Variants in CBY3 observed in about 807,000 individuals in gnomAD.
CBY3 encodes the protein sperm annulus positioning complex subunit Chibby3.
In CBY3, 7 loss-of-function variants were observed where a neutral mutation model predicts 3.0. The observed-to-expected ratio is 2.32, with a 90% CI of 1.32 to 4.35. CBY3 has a LOEUF of 4.35. Among genes scored for constraint, CBY3 ranks in the 30% most tolerant of loss-of-function variants. CBY3 has a pLI of 0.00. For synonymous variants in CBY3, 170 were observed against 154.5 expected (o/e 1.10, Z -0.74); for missense variants, 400 against 336.4 (o/e 1.19, Z -1.48).
chr5:179,678,568 G>A lies in CBY3; in HGVS notation c.*15C>T. 6.8e-7 allele frequency: 1 copy of A among 1,475,940 alleles called. No individual in the cohort carries two copies. The highest frequency in any genetic ancestry group is 9.0e-7 in the Non-Finnish European group (1 of 1,114,532). 91.4% of individuals were successfully genotyped at this position (1,475,940 alleles called of 1,614,324 possible). A position where few individuals can be genotyped will look rare whatever the true frequency, so the allele number is the denominator to read the frequency against. On this transcript the variant is annotated 3_prime_UTR_variant, in exon 2 of 2. Transcript: ENST00000376974. ...GAGGCGTGAGGCGCGCATGCGTAGC[G>A]CGGCCTTTATTGCGTCACTGCGAGT...
Position 179,678,579 on chromosome 5 carries a change from T to A in CBY3, c.*4A>T. On this transcript the variant is annotated 3_prime_UTR_variant, in exon 2 of 2. Coordinates refer to ENST00000376974, the MANE Select transcript of CBY3 (RefSeq NM_001164444.2). ...CGCGCATGCGTAGCGCGGCCTTTATTGCGTCACTGCGAGTCCAGAGCGCAC... is the reference window on the plus strand; with the variant it reads ...CGCGCATGCGTAGCGCGGCCTTTATAGCGTCACTGCGAGTCCAGAGCGCAC... 1 of 1,491,430 alleles carries A rather than the reference T, an allele frequency of 6.7e-7. No individual in the cohort carries two copies. Among genetic ancestry groups the A allele is most frequent in the East Asian group, 2.5e-5 (1 of 40,060 alleles). 92.4% of individuals were successfully genotyped at this position (1,491,430 alleles called of 1,614,324 possible).
At position 179,679,266 on chromosome 5, in the gene CBY3, C is replaced by G. The variant is rs956052889; in HGVS notation, c.47-1G>C. 30 of 1,520,230 alleles carry G rather than the reference C, an allele frequency of 2.0e-5. 1 individual carries two copies. The highest frequency in any genetic ancestry group is 2.5e-5 in the Non-Finnish European group (28 of 1,138,796). The allele number at this position is 1,520,230 out of a possible 1,614,324, so 94.2% of individuals were successfully genotyped here. A position where few individuals can be genotyped will look rare whatever the true frequency, so the allele number is the denominator to read the frequency against. On this transcript the variant is annotated splice_acceptor_variant, in intron 1 of 1. Coordinates refer to ENST00000376974, the MANE Select transcript of CBY3 (RefSeq NM_001164444.2). LOFTEE classifies it high-confidence loss of function. ...GATGAAGGCGAGCCAGGGGGCGCTGCTGGGAGACAAGAGTCCGGGTGAGCA... is the reference window on the plus strand; with the variant it reads ...GATGAAGGCGAGCCAGGGGGCGCTGGTGGGAGACAAGAGTCCGGGTGAGCA...
chr5:179,678,789 C>T lies in CBY3; in HGVS notation c.523G>A (p.Glu175Lys). Residue 175 changes from glutamate (E) to lysine (K), a missense_variant, in exon 2 of 2, where the codon GAG becomes AAG. Transcript: ENST00000376974. ...TGCTGCAGCTTCAGGTAGTTGTTCT[C>T]CTCCAGCAACACTTGGCTTTTGGAC... ...QRSKSQVLLE[E>K]NNYLKLQQEL... 2 of 1,537,068 alleles carry T rather than the reference C, an allele frequency of 1.3e-6. No homozygotes were observed. Among genetic ancestry groups the T allele is most frequent in the Non-Finnish European group, 1.7e-6 (2 of 1,146,766 alleles).
At chr5:179,680,595 A>C (rs1200127902) in intron 1 of CBY3, among the ~76,000 whole-genome samples, 1 of 152,080 alleles carries the variant, frequency 6.6e-6, no homozygotes, top group Non-Finnish European at 1.5e-5. Context: ...ACTAAACATG[A>C]CTTTTATTCC....
chr5:179,680,552 TG>T (rs752933503), intron 1 of CBY3, among the ~76,000 whole-genome samples: 21 of 152,246 alleles, frequency 1.4e-4, no homozygotes, highest in Non-Finnish European at 2.6e-4. Context: ...GCTAGACCTA[TG>T]CATAGGGCTC....
At position 179,678,617 on chromosome 5, in the gene CBY3, A is replaced by C; in HGVS notation, c.695T>G (p.Leu232Arg). 1 of 1,531,290 alleles carries C rather than the reference A, an allele frequency of 6.5e-7. No individual in the cohort carries two copies. The highest frequency in any genetic ancestry group is 8.7e-7 in the Non-Finnish European group (1 of 1,143,196). 94.9% of individuals were successfully genotyped at this position (1,531,290 alleles called of 1,614,324 possible). ...RKRAGASAGV[L>R]MIQPCALDSQ Reference sequence around the variant, plus strand: ...GTCCAGAGCGCACGGCTGGATCATGAGCACGCCCGCGCTGGCGCCTGCGCG... The same window carrying C: ...GTCCAGAGCGCACGGCTGGATCATGCGCACGCCCGCGCTGGCGCCTGCGCG... The change falls in exon 2 of 2, where the codon CTC becomes CGC. Residue 232 changes from leucine to arginine, a missense_variant. Leu to Arg is a moderately radical substitution (Grantham distance 102). Transcript: ENST00000376974.
intron 1 of CBY3, among the ~76,000 whole-genome samples, 180 bp from the exon 2 acceptor site, chr5:179,679,445 C>G (rs1373313659): frequency 1.3e-5 from 2 of 152,190 alleles, no homozygotes; most frequent in African/African-American, 4.8e-5. Context: ...AAACCATCTT[C>G]CCCAAAGACC....
chr5:179,679,321 C>T (rs548454039), intron 1 of CBY3, 56 bp from the exon 2 acceptor site: 2 of 1,380,960 alleles, frequency 1.4e-6, no homozygotes, highest in South Asian at 1.4e-5. Context: ...CCTCTCAAAC[C>T]GCGAGGCCGG....
In CBY3 at chr5:179,678,650, A is replaced by T. The variant is rs1229573678; in HGVS notation, c.662T>A (p.Met221Lys). ...TAAARAGQRK[M>K]RKRAGASAGV... Reference sequence around the variant, plus strand: ...CGCGCTGGCGCCTGCGCGCTTGCGCATCTTCCTCTGCCCGGCGCGCGCCGC... The same window carrying T: ...CGCGCTGGCGCCTGCGCGCTTGCGCTTCTTCCTCTGCCCGGCGCGCGCCGC... The change falls in exon 2 of 2, where the codon ATG (methionine) becomes AAG (lysine). Residue 221 changes from methionine (M) to lysine (K), a missense_variant. By Grantham distance (95) the Met-to-Lys change is moderately conservative (BLOSUM62 -1). Transcript: ENST00000376974. 6.5e-7 allele frequency: 1 copy of T among 1,534,310 alleles called. No homozygotes were observed. The highest frequency in any genetic ancestry group is 2.5e-5 in the East Asian group (1 of 40,782).
chr5:179,678,826 C>T lies in CBY3; in HGVS notation c.486G>A (p.Ala162=), dbSNP rs1361472768. The change falls in exon 2 of 2, where the codon GCG becomes GCA. Residue 162 remains alanine, a synonymous_variant. Transcript: ENST00000376974. ...CTTGGCTTTTGGACCGCTGCACCTG[C>T]GCCTTCCAGCCCCAGGCGGTCCGCG... ...LLSRTAWGWK[A]QVQRSKSQVL... 2 of 1,537,020 alleles carry T rather than the reference C, an allele frequency of 1.3e-6. No homozygotes were observed. Among genetic ancestry groups the T allele is most frequent in the Admixed American group, 2.0e-5 (1 of 50,992 alleles).
At chr5:179,679,299 T>C (rs1562425243) in intron 1 of CBY3, 34 bp from the exon 2 acceptor site, 1 of 1,484,592 alleles carries the variant, frequency 6.7e-7, no homozygotes, top group Non-Finnish European at 8.9e-7. Context: ...GCAGCGTGCT[T>C]GGTACAGGCC....
Position 179,678,659 on chromosome 5 carries a change from T to C in CBY3, c.653A>G (p.Gln218Arg), listed in dbSNP as rs1266342143. 1.0e-5 allele frequency: 16 copies of C among 1,535,148 alleles called. No homozygotes were observed. Among genetic ancestry groups the C allele is most frequent in the Non-Finnish European group, 1.4e-5 (16 of 1,145,762 alleles). ...VIPTAAARAG[Q>R]RKMRKRAGAS... ...GCCTGCGCGCTTGCGCATCTTCCTC[T>C]GCCCGGCGCGCGCCGCAGCCGTCGG... The change falls in exon 2 of 2, where the codon CAG becomes CGG. Residue 218 changes from glutamine (Q) to arginine (R), a missense_variant. Transcript: ENST00000376974.
rs530037246 is a variant in CBY3 at position 179,679,068 on chromosome 5, C to T, written c.244G>A (p.Asp82Asn). ...LWQTLQQFWA[D>N]HISRPFSPRR... ...GGCGAGAAGGGCCGCGAGATGTGAT[C>T]GGCCCAAAACTGCTGCAGCGTCTGC... The change falls in exon 2 of 2, where the codon GAT becomes AAT. Residue 82 changes from aspartate to asparagine, a missense_variant. Coordinates refer to ENST00000376974, the MANE Select transcript of CBY3 (RefSeq NM_001164444.2). The T allele has an allele frequency of 7.2e-6, 11 of 1,534,478 alleles. No individual in the cohort carries two copies. The highest frequency in any genetic ancestry group is 2.7e-5 in the African/African-American group (2 of 73,034).
intron 1 of CBY3, among the ~76,000 whole-genome samples, chr5:179,679,885 C>G (rs1776011565): frequency 6.6e-6 from 1 of 151,144 alleles, no homozygotes; most frequent in Non-Finnish European, 1.5e-5. Flanking sequence ...TCTCGAACTC[C>G]TGACCTCAGG....
Position 179,678,633 on chromosome 5 carries a change from C to G in CBY3, c.679G>C (p.Ala227Pro). The G allele has an allele frequency of 6.5e-7, 1 of 1,533,106 alleles. No homozygotes were observed. The highest frequency in any genetic ancestry group is 8.7e-7 in the Non-Finnish European group (1 of 1,144,310). The allele number at this position is 1,533,106 out of a possible 1,614,324, so 95.0% of individuals were successfully genotyped here. A position where few individuals can be genotyped will look rare whatever the true frequency, so the allele number is the denominator to read the frequency against. ...GQRKMRKRAGASAGVLMIQPC... is the reference protein window; with the variant it reads ...GQRKMRKRAGPSAGVLMIQPC... ...TGGATCATGAGCACGCCCGCGCTGG[C>G]GCCTGCGCGCTTGCGCATCTTCCTC... The change falls in exon 2 of 2, where the codon GCC becomes CCC. Residue 227 changes from alanine to proline, a missense_variant. Ala to Pro is a conservative substitution (Grantham distance 27). Coordinates refer to ENST00000376974, the MANE Select transcript of CBY3 (RefSeq NM_001164444.2).
Position 179,680,981 on chromosome 5 carries a change from G to A in CBY3, c.-63C>T. 7.1e-7 allele frequency: 1 copy of A among 1,413,686 alleles called. No homozygotes were observed. Among genetic ancestry groups the A allele is most frequent in the Non-Finnish European group, 9.6e-7 (1 of 1,036,722 alleles). The allele number at this position is 1,413,686 out of a possible 1,614,324, so 87.6% of individuals were successfully genotyped here. A position where few individuals can be genotyped will look rare whatever the true frequency, so the allele number is the denominator to read the frequency against. On this transcript the variant is annotated 5_prime_UTR_variant, in exon 1 of 2. Coordinates refer to ENST00000376974, the MANE Select transcript of CBY3 (RefSeq NM_001164444.2). ...GTTTCCCCGTTAGTCCTCACTGTAT[G>A]TTGTGCCTCACCTGGAAGATGGGGT...
chr5:179,679,142 G>T lies in CBY3; in HGVS notation c.170C>A (p.Ala57Asp), dbSNP rs1037806894. ...SSTCVPYKVH[A>D]LATFECSATS... ...AGCCGAGCACTCGAAGGTTGCCAGGGCGTGGACCTTGTAGGGCACGCAGGT... is the reference window on the plus strand; with the variant it reads ...AGCCGAGCACTCGAAGGTTGCCAGGTCGTGGACCTTGTAGGGCACGCAGGT... Residue 57 changes from alanine (A) to aspartate (D), a missense_variant, in exon 2 of 2, where the codon GCC (alanine) becomes GAC (aspartate). Coordinates refer to ENST00000376974, the MANE Select transcript of CBY3 (RefSeq NM_001164444.2). 12 of 1,535,554 alleles carry T rather than the reference G, an allele frequency of 7.8e-6. No individual in the cohort carries two copies. The highest frequency in any genetic ancestry group is 2.0e-5 in the Admixed American group (1 of 50,992).
At chr5:179,680,584 C>G (rs1215585086) in intron 1 of CBY3, among the ~76,000 whole-genome samples, 1 of 152,128 alleles carries the variant, frequency 6.6e-6, no homozygotes, top group Non-Finnish European at 1.5e-5. Context: ...GGATTGTGCA[C>G]ACTAAACATG....
Position 179,678,924 on chromosome 5 carries a change from G to T in CBY3, c.388C>A (p.Gln130Lys). The change falls in exon 2 of 2, where the codon CAG becomes AAG. Residue 130 changes from glutamine to lysine, a missense_variant. Coordinates refer to ENST00000376974, the MANE Select transcript of CBY3 (RefSeq NM_001164444.2). ...CGCCCGCCGCGGAACACGAAGGCCT[G>T]GTTGCTGAGGCGCATGCACGGCGCG... is the stretch of plus-strand genomic sequence containing the variant. ...YGAPCMRLSN[Q>K]AFVFRGGRWT... is the part of the protein sequence containing the mutation. 1 of 1,535,150 alleles carries T rather than the reference G, an allele frequency of 6.5e-7. No homozygotes were observed. Among genetic ancestry groups the T allele is most frequent in the Non-Finnish European group, 8.7e-7 (1 of 1,145,782 alleles).
Sources: gnomAD v4.1 joint callset for allele counts (sites outside exome capture counted in the v4.1 genomes callset) on GRCh38, gnomAD v4.1.1 for gene constraint, MANE v1.5 for transcripts, NCBI Gene and HGNC (gene_info 2026-07-23, HGNC 2026-07-21) for gene names.